The following ZNF491 variants were observed in gnomAD, a reference collection of about 807,000 sequenced individuals.
ZNF491 encodes the protein zinc finger protein 491.
In ZNF491, 22 loss-of-function variants were observed where a neutral mutation model predicts 34.7. That is an observed-to-expected ratio of 0.63 (90% confidence interval 0.45 to 0.90). The LOEUF (loss-of-function observed/expected upper bound fraction) is 0.90, where lower values mean the gene tolerates loss of function less well. Among genes scored for constraint, ZNF491 ranks in the 40% least tolerant of loss-of-function variants. The probability of loss-of-function intolerance (pLI) is 0.00; values close to 1 mark genes in which losing one functional copy is unlikely to be tolerated. For synonymous variants in ZNF491, 148 were observed against 174.3 expected (o/e 0.85, Z 1.19); for missense variants, 559 against 531.7 (o/e 1.05, Z -0.51).
intron 1 of ZNF491, among the ~76,000 whole-genome samples, chr19:11,802,342 G>T (rs1377005875): frequency 6.6e-6 from 1 of 152,104 alleles, no homozygotes; most frequent in East Asian, 1.9e-4. Flanking sequence ...CATTTGGCAT[G>T]TTTGATGTGT....
In ZNF491 at chr19:11,807,667, G is replaced by A. The variant is rs779366312; in HGVS notation, c.*400G>A. ...GCTCCACATTCAAGTTCTATCTACA[G>A]TTTGGTTTTTCTTTAAGTATTGTAA... On this transcript the variant is annotated 3_prime_UTR_variant, in exon 3 of 3. Coordinates refer to ENST00000323169, the MANE Select transcript of ZNF491 (RefSeq NM_152356.4). 4 of 185,060 alleles carry A rather than the reference G, an allele frequency of 2.2e-5. No homozygotes were observed. Among genetic ancestry groups the A allele is most frequent in the Non-Finnish European group, 3.7e-5 (3 of 80,120 alleles). 11.5% of individuals were successfully genotyped at this position (185,060 alleles called of 1,614,324 possible). A position where few individuals can be genotyped will look rare whatever the true frequency, so the allele number is the denominator to read the frequency against.
intron 2 of ZNF491, among the ~76,000 whole-genome samples, chr19:11,805,649 A>G (rs1975601660): frequency 6.6e-6 from 1 of 152,130 alleles, no homozygotes; most frequent in African/African-American, 2.4e-5. Flanking sequence ...AGAGCCCAAG[A>G]TCAGCCTGGG....
Position 11,806,428 on chromosome 19 carries a change from T to A in ZNF491, c.475T>A (p.Tyr159Asn), listed in dbSNP as rs374641390. 8 of 1,613,066 alleles carry A rather than the reference T, an allele frequency of 5.0e-6. No homozygotes were observed. Among genetic ancestry groups the A allele is most frequent in the Admixed American group, 1.7e-5 (1 of 59,848 alleles). Reference protein sequence around the residue: ...HERTHTGEKRYECKQCGKAFS... With the variant: ...HERTHTGEKRNECKQCGKAFS... The stretch of plus-strand genomic sequence containing the variant: ...ACGAACTCACACTGGAGAGAAACGA[T>A]ATGAATGTAAACAATGTGGTAAAGC... Residue 159 changes from tyrosine to asparagine, a missense_variant, in exon 3 of 3, where the codon TAT becomes AAT. Transcript: ENST00000323169.
intron 1 of ZNF491, among the ~76,000 whole-genome samples, chr19:11,802,045 C>T (rs1975563966): frequency 6.6e-6 from 1 of 152,120 alleles, no homozygotes; most frequent in Non-Finnish European, 1.5e-5. Context: ...TCTCAAATTC[C>T]TGGGCTCAAT....
chr19:11,799,918 G>A (rs140788273), intron 1 of ZNF491, among the ~76,000 whole-genome samples: 331 of 149,196 alleles, frequency 2.2e-3, no homozygotes, highest in African/African-American at 7.9e-3. Context: ...GCGACAGAGC[G>A]AGACTCTGTT....
intron 1 of ZNF491, among the ~76,000 whole-genome samples, chr19:11,799,795 G>A (rs996203358): frequency 6.6e-6 from 1 of 152,068 alleles, no homozygotes; most frequent in Non-Finnish European, 1.5e-5. Flanking sequence ...TTAGCTGGGC[G>A]TGGTGGCACG....
At chr19:11,801,416 GGAGGCT>G (rs1274299823) in intron 1 of ZNF491, among the ~76,000 whole-genome samples, 1 of 152,066 alleles carries the variant, frequency 6.6e-6, no homozygotes, top group Non-Finnish European at 1.5e-5. Flanking sequence ...CAGCACTTTG[GGAGGCT>G]GAGGCGGGTG....
chr19:11,807,134 G>C lies in ZNF491; in HGVS notation c.1181G>C (p.Cys394Ser). The C allele has an allele frequency of 1.2e-6, 2 of 1,612,310 alleles. No individual in the cohort carries two copies. Among genetic ancestry groups the C allele is most frequent in the South Asian group, 2.2e-5 (2 of 90,774 alleles). The change falls in exon 3 of 3, where the codon TGT becomes TCT. Residue 394 changes from cysteine (C) to serine (S), a missense_variant. Transcript: ENST00000323169. ...AAGCATTGTGGGAAAGCCTTCACTT[G>C]TTCCATATATATTAGAATACATGAA... ...ECKHCGKAFT[C>S]SIYIRIHERI...
At chr19:11,801,142 C>T (rs1186038392) in intron 1 of ZNF491, among the ~76,000 whole-genome samples, 3 of 151,914 alleles carry the variant, frequency 2.0e-5, no homozygotes, top group Admixed American at 2.0e-4. Context: ...AGTTTAAGAC[C>T]AGCTCAGCAA....
At chr19:11,801,239 G>A (rs1197956062) in intron 1 of ZNF491, among the ~76,000 whole-genome samples, 1 of 152,052 alleles carries the variant, frequency 6.6e-6, no homozygotes, top group Non-Finnish European at 1.5e-5. Context: ...TTTTTTATGA[G>A]AGGAAACTAT....
At chr19:11,802,105 C>T (rs924452356) in intron 1 of ZNF491, among the ~76,000 whole-genome samples, 3 of 152,198 alleles carry the variant, frequency 2.0e-5, no homozygotes, top group African/African-American at 7.2e-5. Context: ...CAGGCATCAG[C>T]CACTGTACCC....
rs1326169954 is a variant in ZNF491, at chr19:11,806,900, A to G, written c.947A>G (p.Tyr316Cys). 6.2e-7 allele frequency: 1 copy of G among 1,610,854 alleles called. No individual in the cohort carries two copies. The highest frequency in any genetic ancestry group is 8.5e-7 in the Non-Finnish European group (1 of 1,178,944). Residue 316 changes from tyrosine (Y) to cysteine (C), a missense_variant, in exon 3 of 3, where the codon TAT becomes TGT. Coordinates refer to ENST00000323169, the MANE Select transcript of ZNF491 (RefSeq NM_152356.4). ...TTCACTTGTTCCACTTCGTTTCAAT[A>G]TCATGAAAGGACTCACACTGGAGAG... ...KAFTCSTSFQ[Y>C]HERTHTGEKP... is the part of the protein sequence containing the mutation.
chr19:11,800,833 G>C (rs1231502905), intron 1 of ZNF491, among the ~76,000 whole-genome samples: 1 of 152,004 alleles, frequency 6.6e-6, no homozygotes, highest in Non-Finnish European at 1.5e-5. Flanking sequence ...GACCAGAGTG[G>C]GCAGGGCAAC....
At chr19:11,802,315 T>C (rs1011282189) in intron 1 of ZNF491, among the ~76,000 whole-genome samples, 1 of 152,228 alleles carries the variant, frequency 6.6e-6, no homozygotes, top group Non-Finnish European at 1.5e-5. Flanking sequence ...TTTGTCAGCA[T>C]GCTCATCAAA....
At chr19:11,800,190 T>C (rs1975543731) in intron 1 of ZNF491, among the ~76,000 whole-genome samples, 1 of 152,128 alleles carries the variant, frequency 6.6e-6, no homozygotes, top group African/African-American at 2.4e-5. Flanking sequence ...AGAAGGGTTT[T>C]TGCTACCACA....
At chr19:11,802,184 G>A (rs1418699761) in intron 1 of ZNF491, among the ~76,000 whole-genome samples, 3 of 151,984 alleles carry the variant, frequency 2.0e-5, no homozygotes, top group Non-Finnish European at 2.9e-5. Context: ...AATATAATTC[G>A]ACCTAAAAGT....
At position 11,806,496 on chromosome 19, in the gene ZNF491, C is replaced by A; in HGVS notation, c.543C>A (p.His181Gln). 1 of 1,614,012 alleles carries A rather than the reference C, an allele frequency of 6.2e-7. No homozygotes were observed. Among genetic ancestry groups the A allele is most frequent in the Non-Finnish European group, 8.5e-7 (1 of 1,179,986 alleles). The change falls in exon 3 of 3, where the codon CAC becomes CAA. Residue 181 changes from histidine to glutamine, a missense_variant. Coordinates refer to ENST00000323169, the MANE Select transcript of ZNF491 (RefSeq NM_152356.4). ...CTGTTCGAATCCATGAAAGAACTCA[C>A]ACTGGGGAGAAGCCATATGAATGTA... Reference protein sequence around the residue: ...HSSVRIHERTHTGEKPYECKE... With the variant: ...HSSVRIHERTQTGEKPYECKE...
In ZNF491 at chr19:11,800,645, C is replaced by CA. The variant is rs1284905487; in HGVS notation, c.-134+1920dup. 3.9e-5 allele frequency among the ~76,000 whole-genome samples: 6 copies of CA among 152,000 alleles called. No homozygotes were observed. In the East Asian group the frequency reaches 5.8e-4, roughly 15 times the overall value. ...AAGCGATTCCCCTGCCTCAGCCTCC[C>CA]AAGTAGCTGGGATTACAGGCATGTG... On this transcript the variant is annotated intron_variant, in intron 1 of 2. Coordinates refer to ENST00000323169, the MANE Select transcript of ZNF491 (RefSeq NM_152356.4).
rs139715000 is a variant in ZNF491, at chr19:11,807,041, C to G, written c.1088C>G (p.Ala363Gly). 20 of 1,610,154 alleles carry G rather than the reference C, an allele frequency of 1.2e-5. No individual in the cohort carries two copies. The Admixed American group carries it at 3.2e-4, about 26-fold the overall frequency. The change falls in exon 3 of 3, where the codon GCA becomes GGA. Residue 363 changes from alanine to glycine, a missense_variant. Physicochemically the swap from Ala to Gly is moderately conservative, Grantham distance 60. Transcript: ENST00000323169. ...TATGAATGTAAGCAATGTGGGAAAG[C>G]ATTTCATTGTGTCAGCTCCTTTCAT... ...KPYECKQCGK[A>G]FHCVSSFHRH...
Sources: gnomAD v4.1 joint callset for allele counts (sites outside exome capture counted in the v4.1 genomes callset) on GRCh38, gnomAD v4.1.1 for gene constraint, MANE v1.5 for transcripts, NCBI Gene and HGNC (gene_info 2026-07-23, HGNC 2026-07-21) for gene names.